The following PRKCH variants were observed in gnomAD, a reference collection of about 807,000 sequenced individuals.
PRKCH encodes protein kinase C eta.
PRKCH carries 28 observed loss-of-function variants against 82.5 expected under a neutral mutation model. That is an observed-to-expected ratio of 0.34 (90% CI 0.25 to 0.47). The LOEUF (loss-of-function observed/expected upper bound fraction) is 0.47, where lower values mean the gene tolerates loss of function less well. Among genes scored for constraint, PRKCH ranks in the 20% least tolerant of loss-of-function variants. The probability of loss-of-function intolerance (pLI) is 1.00; values close to 1 mark genes in which losing one functional copy is unlikely to be tolerated. For missense variants in PRKCH, 705 were observed against 881.8 expected (o/e 0.80, Z 2.54); for synonymous variants, 322 against 327.4 (o/e 0.98, Z 0.18).
At chr14:61,450,514 G>T (rs976026566) in intron 5 of PRKCH, among the ~76,000 whole-genome samples, 12 of 152,174 alleles carry the variant, frequency 7.9e-5, no homozygotes, top group African/African-American at 2.9e-4. Context: ...AAAAGGTTCT[G>T]GGAAATAGAT....
intron 5 of PRKCH, among the ~76,000 whole-genome samples, chr14:61,450,046 A>G (rs959109551): frequency 1.3e-5 from 2 of 152,222 alleles, no homozygotes; most frequent in African/African-American, 4.8e-5. Flanking sequence ...GTAGATTTGC[A>G]GAGGCATTGG....
chr14:61,344,672 C>T (rs770590938), intron 1 of PRKCH, among the ~76,000 whole-genome samples: 14 of 152,000 alleles, frequency 9.2e-5, no homozygotes, highest in Non-Finnish European at 1.6e-4. Context: ...AGCGGGGTTG[C>T]CTGTGACTGA....
chr14:61,207,028 C>A (rs923985760), intron 1 of PRKCH, among the ~76,000 whole-genome samples: 1 of 147,336 alleles, frequency 6.8e-6, no homozygotes, highest in Non-Finnish European at 1.5e-5. Context: ...ATCGCTTGAA[C>A]CCAGCAGGTG....
intron 4 of PRKCH, among the ~76,000 whole-genome samples, chr14:61,446,655 A>G (rs1884239943): frequency 6.6e-6 from 1 of 152,266 alleles, no homozygotes; most frequent in Admixed American, 6.5e-5. Flanking sequence ...AAAAACAAAT[A>G]TATAATCAAT....
chr14:61,499,752 T>C (rs1399905256), intron 10 of PRKCH, among the ~76,000 whole-genome samples: 2 of 84,218 alleles, frequency 2.4e-5, no homozygotes, highest in African/African-American at 7.8e-5. Flanking sequence ...TAAACACCTA[T>C]AAGCAAAGAG....
At chr14:61,519,873 TAA>T (rs35383143) in intron 10 of PRKCH, among the ~76,000 whole-genome samples, 225 of 143,168 alleles carry the variant, frequency 1.6e-3, no homozygotes, top group South Asian at 6.8e-3. Context: ...ATTTCTGTGG[TAA>T]AAAAAAAAAA....
intron 1 of PRKCH, among the ~76,000 whole-genome samples, chr14:61,210,687 C>T (rs1002946084): frequency 6.6e-6 from 1 of 151,962 alleles, no homozygotes; most frequent in Non-Finnish European, 1.5e-5. Context: ...CATAATGAGT[C>T]AGTGAACATC....
intron 1 of PRKCH, among the ~76,000 whole-genome samples, chr14:61,261,326 C>T (rs947893502): frequency 9.2e-5 from 14 of 152,206 alleles, no homozygotes; most frequent in Non-Finnish European, 1.3e-4. Flanking sequence ...TGGGTGGCTG[C>T]GCTGTATGAG....
intron 12 of PRKCH, among the ~76,000 whole-genome samples, chr14:61,546,098 C>T (rs1335824566): frequency 2.6e-5 from 4 of 152,216 alleles, no homozygotes; most frequent in Admixed American, 6.5e-5. Context: ...AATTGTATCC[C>T]GTTGACTTTC....
chr14:61,343,991 G>A (rs1361901895), intron 1 of PRKCH, among the ~76,000 whole-genome samples: 1 of 152,116 alleles, frequency 6.6e-6, no homozygotes, highest in Admixed American at 6.5e-5. Context: ...TGACTTCCTC[G>A]ATGGTGAAAC....
chr14:61,349,919 A>G (rs1484201401), intron 1 of PRKCH, among the ~76,000 whole-genome samples: 1 of 152,142 alleles, frequency 6.6e-6, no homozygotes, highest in Non-Finnish European at 1.5e-5. Context: ...TCTTATGTTC[A>G]TGGTTGTTTT....
At chr14:61,204,762 A>AG (rs2044509151) in intron 1 of PRKCH, among the ~76,000 whole-genome samples, 1 of 133,212 alleles carries the variant, frequency 7.5e-6, no homozygotes, top group African/African-American at 2.9e-5. Context: ...CCCTTTCTCA[A>AG]GAAAAAAAAA....
chr14:61,528,797 GTT>G (rs2043004551), intron 10 of PRKCH: 1 of 233,716 alleles, frequency 4.3e-6, no homozygotes, highest in Non-Finnish European at 8.5e-6. Flanking sequence ...TCTGCCCTCC[GTT>G]TTTACAGGAC....
At chr14:61,215,055 A>C (rs1376516118) in intron 1 of PRKCH, among the ~76,000 whole-genome samples, 1 of 151,990 alleles carries the variant, frequency 6.6e-6, no homozygotes, top group African/African-American at 2.4e-5. Context: ...CTTGTTTCTT[A>C]TTTTCCCTGG....
chr14:61,531,208 G>A (rs2043040643), intron 12 of PRKCH, among the ~76,000 whole-genome samples: 1 of 152,140 alleles, frequency 6.6e-6, no homozygotes, highest in East Asian at 1.9e-4. Context: ...TTTGAATTGA[G>A]GATAAACATG....
chr14:61,278,368 G>T (rs901782834), intron 1 of PRKCH: 13 of 152,102 alleles, frequency 8.5e-5, no homozygotes, highest in Admixed American at 2.0e-4. Context: ...AAGTATTTTT[G>T]GTATATGTAA....
chr14:61,541,859 C>T (rs377077657), intron 12 of PRKCH, among the ~76,000 whole-genome samples: 144 of 152,332 alleles, frequency 9.5e-4, no homozygotes, highest in African/African-American at 3.3e-3. Flanking sequence ...ACTGAAGCTG[C>T]CTCCTGTGTG....
At chr14:61,365,792 A>C (rs918795718) in intron 1 of PRKCH, among the ~76,000 whole-genome samples, 3 of 152,096 alleles carry the variant, frequency 2.0e-5, no homozygotes, top group Admixed American at 6.5e-5. Context: ...CTGAAGAAAC[A>C]AGACATAAAC....
intron 10 of PRKCH, among the ~76,000 whole-genome samples, chr14:61,511,868 G>T (rs915145364): frequency 6.6e-6 from 1 of 152,196 alleles, no homozygotes; most frequent in Non-Finnish European, 1.5e-5. Flanking sequence ...TCCCGACTCT[G>T]TGGGTGGATA....
Sources: allele counts gnomAD v4.1 joint callset (sites outside exome capture counted in the v4.1 genomes callset), GRCh38; gene constraint gnomAD v4.1.1; transcripts MANE v1.5; gene names NCBI Gene and HGNC (gene_info 2026-07-23, HGNC 2026-07-21).